Variants in PTBP3 observed in about 807,000 individuals in gnomAD.
The protein encoded by PTBP3 is polypyrimidine tract binding protein 3, also known as polypyrimidine tract-binding protein 3.
In PTBP3, 20 loss-of-function variants were observed where a neutral mutation model predicts 58.7. The ratio of observed to expected loss-of-function variants is 0.34; its 90% confidence interval spans 0.24 to 0.50. PTBP3 has a LOEUF of 0.50. Ranked by LOEUF, PTBP3 falls within the 20% of genes least tolerant of loss-of-function variation. The pLI is 0.98. For missense variants in PTBP3, 509 were observed against 637.2 expected, an observed-to-expected ratio of 0.80 and a Z score of 2.17; for synonymous variants, 185 against 219.8, an observed-to-expected ratio of 0.84 and a Z score of 1.40.
chr9:112,333,982 G>C (rs1184894768), upstream of PTBP3, among the ~76,000 whole-genome samples: 2 of 151,544 alleles, frequency 1.3e-5, no homozygotes, highest in East Asian at 1.9e-4. Flanking sequence ...TCGCAGACCG[G>C]GCCTGCCAGG....
the PTBP3 span, among the ~76,000 whole-genome samples, chr9:112,360,805 G>T: frequency 6.6e-6 from 1 of 151,756 alleles, no homozygotes; most frequent in African/African-American, 2.4e-5. Flanking sequence ...AGGCAGACAA[G>T]ATTCAAATAA....
At chr9:112,313,390 A>G (rs1455851910) in intron 1 of PTBP3, among the ~76,000 whole-genome samples, 1 of 152,126 alleles carries the variant, frequency 6.6e-6, no homozygotes, top group African/African-American at 2.4e-5. Flanking sequence ...TTTTATATTC[A>G]TTTCTTCAAT....
intron 6 of PTBP3, chr9:112,252,365 G>A: frequency 3.2e-6 from 1 of 315,384 alleles, no homozygotes; most frequent in East Asian, 9.1e-5. Flanking sequence ...GAAAGCACGA[G>A]GGTAATGATG....
chr9:112,284,911 A>AG (rs1828041822), intron 2 of PTBP3, among the ~76,000 whole-genome samples: 1 of 152,186 alleles, frequency 6.6e-6, no homozygotes, highest in African/African-American at 2.4e-5. Context: ...CATAGGCAGA[A>AG]GGGACTTGCC....
the PTBP3 span, among the ~76,000 whole-genome samples, chr9:112,376,252 G>GTTTTGTTT: frequency 1.3e-5 from 1 of 75,008 alleles, no homozygotes; most frequent in East Asian, 5.7e-4. Flanking sequence ...AGTTTATTAA[G>GTTTTGTTT]TTTTTTTTTT....
chr9:112,245,358 G>A lies in PTBP3; in HGVS notation c.802+5571C>T, dbSNP rs543569629. Reference sequence around the variant, plus strand: ...GTTAGTAGTATGTGTTTGCAATTCCGAAACCACTTCTGTGTAATCTAAGAT... The same window carrying A: ...GTTAGTAGTATGTGTTTGCAATTCCAAAACCACTTCTGTGTAATCTAAGAT... On this transcript the variant is annotated intron_variant, in intron 7 of 13. Coordinates refer to ENST00000374257, the MANE Select transcript of PTBP3 (RefSeq NM_001163788.4). Among the ~76,000 whole-genome samples the A allele has an allele frequency of 7.3e-5, 11 of 151,548 alleles. No individual in the cohort carries two copies. The South Asian group carries it at 1.7e-3, about 23-fold the overall frequency.
At position 112,237,205 on chromosome 9, in the gene PTBP3, T is replaced by C. The variant is rs562736252; in HGVS notation, c.803-2308A>G. 3.0e-4 allele frequency among the ~76,000 whole-genome samples: 45 copies of C among 152,300 alleles called. 1 individual carries two copies. The highest frequency in any genetic ancestry group is 7.2e-4 in the Admixed American group (11 of 15,294). ...AGATTAATAAGAACATTTGCTAAAA[T>C]TTGACAAAACACACATTTTTCAAGT... On this transcript the variant is annotated intron_variant, in intron 7 of 13. Transcript: ENST00000374257.
At chr9:112,368,772 C>G in the PTBP3 span, among the ~76,000 whole-genome samples, 3 of 152,108 alleles carry the variant, frequency 2.0e-5, no homozygotes, top group East Asian at 5.8e-4. Flanking sequence ...TAACGAGGAG[C>G]CAAATGTCAA....
chr9:112,357,611 A>G, the PTBP3 span, among the ~76,000 whole-genome samples: 1 of 152,114 alleles, frequency 6.6e-6, no homozygotes, highest in Non-Finnish European at 1.5e-5. Flanking sequence ...AGCTTCCCAA[A>G]GTGTTGGGAT....
rs576693127 is a variant in PTBP3, at chr9:112,237,417, AC to A, written c.803-2521del. Reference sequence around the variant, plus strand: ...TGGAAAATGTACCACCATGATAGCAACCAAGGCAATACGAATTAATACATAA... The same window carrying A: ...TGGAAAATGTACCACCATGATAGCAACAAGGCAATACGAATTAATACATAA... On this transcript the variant is annotated intron_variant, in intron 7 of 13. Coordinates refer to ENST00000374257, the MANE Select transcript of PTBP3 (RefSeq NM_001163788.4). Among the ~76,000 whole-genome samples, 426 of 152,278 alleles carry A rather than the reference AC, an allele frequency of 2.8e-3. 3 individuals are homozygous for A. Among genetic ancestry groups the A allele is most frequent in the African/African-American group, 9.8e-3 (406 of 41,578 alleles).
intron 7 of PTBP3, among the ~76,000 whole-genome samples, chr9:112,248,996 T>C (rs1367448560): frequency 1.3e-5 from 2 of 152,008 alleles, no homozygotes; most frequent in African/African-American, 4.8e-5. Context: ...ACAGGGCAAA[T>C]AAAGTCACAG....
chr9:112,227,296 C>A (rs1293878483), intron 12 of PTBP3, 115 bp downstream of exon 12: 4 of 1,050,916 alleles, frequency 3.8e-6, no homozygotes, highest in Non-Finnish European at 4.3e-6. Context: ...TTATCAGAAA[C>A]TGTTGACCAG....
intron 1 of PTBP3, among the ~76,000 whole-genome samples, chr9:112,310,890 A>G (rs996625323): frequency 2.0e-5 from 3 of 152,200 alleles, no homozygotes; most frequent in African/African-American, 7.2e-5. Context: ...GTTCTGGAAA[A>G]ACAGTAAGGA....
the PTBP3 span, among the ~76,000 whole-genome samples, chr9:112,344,524 C>T: frequency 6.6e-6 from 1 of 152,184 alleles, no homozygotes; most frequent in African/African-American, 2.4e-5. Flanking sequence ...GCTGTCCAGT[C>T]TTTGACTTCC....
chr9:112,295,545 G>C (rs914219334), intron 2 of PTBP3, among the ~76,000 whole-genome samples: 1 of 138,890 alleles, frequency 7.2e-6, no homozygotes, highest in African/African-American at 2.7e-5. Flanking sequence ...AAGAACAGAA[G>C]AGTAGCAGTT....
rs1834792042 is a variant in PTBP3 at position 112,221,090 on chromosome 9, T to C, written c.*2761A>G. On this transcript the variant is annotated 3_prime_UTR_variant, in exon 14 of 14. Coordinates refer to ENST00000374257, the MANE Select transcript of PTBP3 (RefSeq NM_001163788.4). ...AATAGCTTAATATGGACAACATCCA[T>C]GTGCTACAGCTAATTTTAGACACAA... The C allele has an allele frequency of 1.0e-6, 1 of 985,470 alleles. No individual in the cohort carries two copies. Among genetic ancestry groups the C allele is most frequent in the Non-Finnish European group, 1.2e-6 (1 of 829,800 alleles). The allele number at this position is 985,470 out of a possible 1,614,324, so 61.0% of individuals were successfully genotyped here. A position where few individuals can be genotyped will look rare whatever the true frequency, so the allele number is the denominator to read the frequency against.
At chr9:112,349,863 C>CAA in the PTBP3 span, among the ~76,000 whole-genome samples, 7 of 49,696 alleles carry the variant, frequency 1.4e-4, no homozygotes, top group Non-Finnish European at 2.3e-4. Context: ...GACTCTGTCT[C>CAA]AAAAAAAAAA....
rs537974023 is a variant in PTBP3 at position 112,224,117 on chromosome 9, G to A, written c.1442+16C>T. 1 of 1,570,176 alleles carries A rather than the reference G, an allele frequency of 6.4e-7. No homozygotes were observed. Among genetic ancestry groups the A allele is most frequent in the African/African-American group, 1.4e-5 (1 of 72,720 alleles). On this transcript the variant is annotated intron_variant, in intron 13 of 13. Transcript: ENST00000374257. ...ATTAAATAATTTTAATGTATTTCTTGAAAGCAAAGACTTACTGAAAGAATT... is the reference window on the plus strand; with the variant it reads ...ATTAAATAATTTTAATGTATTTCTTAAAAGCAAAGACTTACTGAAAGAATT...
the PTBP3 span, among the ~76,000 whole-genome samples, chr9:112,358,526 G>A: frequency 5.1e-4 from 77 of 152,204 alleles, no homozygotes; most frequent in Non-Finnish European, 8.2e-4. Flanking sequence ...TATATCCTCT[G>A]AGCAAACAGT....
Sources: gnomAD v4.1 joint callset for allele counts (sites outside exome capture counted in the v4.1 genomes callset) on GRCh38, gnomAD v4.1.1 for gene constraint, MANE v1.5 for transcripts, NCBI Gene and HGNC (gene_info 2026-07-23, HGNC 2026-07-21) for gene names.